PPP3CB: variants seen among roughly 807,000 people sequenced by gnomAD.
The protein encoded by PPP3CB is protein phosphatase 3 catalytic subunit beta.
Under a neutral mutation model 66.4 loss-of-function variants are expected in PPP3CB, and 8 were observed. The ratio of observed to expected loss-of-function variants is 0.12; its 90% CI spans 0.07 to 0.22. PPP3CB has a LOEUF of 0.22. PPP3CB is among the 10% of genes least tolerant of loss of function. PPP3CB has a pLI of 1.00. For missense variants in PPP3CB, 319 were observed against 642.5 expected (o/e 0.50, Z 5.44); for synonymous variants, 208 against 221.2 (o/e 0.94, Z 0.53).
At chr10:73,462,912 T>C (rs1019482761) in intron 9 of PPP3CB, among the ~76,000 whole-genome samples, 10 of 116,686 alleles carry the variant, frequency 8.6e-5, no homozygotes, top group African/African-American at 3.3e-4. Context: ...ATCACACCAC[T>C]GCACTCCAGC....
Position 73,467,562 on chromosome 10 carries a change from C to T in PPP3CB, c.1099G>A (p.Gly367Arg). 1 of 1,539,054 alleles carries T rather than the reference C, an allele frequency of 6.5e-7. No homozygotes were observed. Among genetic ancestry groups the T allele is most frequent in the Non-Finnish European group, 8.7e-7 (1 of 1,150,954 alleles). ...AAAATAAAAATTATACCTTTTTCTC[C>T]AACAAACGGTAAAGACCACGTGAAG... ...DVFTWSLPFVGEKVTEMLVNV... is the reference protein window; with the variant it reads ...DVFTWSLPFVREKVTEMLVNV... Residue 367 changes from glycine (G) to arginine (R), a missense_variant, in exon 9 of 14, where the codon GGA becomes AGA. Around this residue, in one of 5 missense-constraint regions of PPP3CB, gnomAD observed 120 missense variants for 331.2 expected, o/e 0.36. Coordinates refer to ENST00000360663, the MANE Select transcript of PPP3CB (RefSeq NM_021132.4).
intron 3 of PPP3CB, among the ~76,000 whole-genome samples, chr10:73,476,855 A>G (rs2056798516): frequency 6.6e-6 from 1 of 151,808 alleles, no homozygotes; most frequent in Non-Finnish European, 1.5e-5. Context: ...AACTCAAAAT[A>G]GCAAAATTCC....
intron 10 of PPP3CB, chr10:73,448,536 G>A (rs1017596167): frequency 4.6e-6 from 2 of 430,216 alleles, no homozygotes; most frequent in Admixed American, 2.4e-5. Context: ...TAAAACTTAA[G>A]CTAAATTTGC....
chr10:73,482,869 T>G (rs1443229481), intron 1 of PPP3CB, among the ~76,000 whole-genome samples: 2 of 152,148 alleles, frequency 1.3e-5, no homozygotes, highest in African/African-American at 2.4e-5. Flanking sequence ...CCGCCTGCCT[T>G]GGCCTCCCTA....
At chr10:73,462,254 G>A (rs1196372507) in intron 9 of PPP3CB, among the ~76,000 whole-genome samples, 3 of 149,206 alleles carry the variant, frequency 2.0e-5, no homozygotes, top group Non-Finnish European at 4.4e-5. Context: ...GAACTCCTAG[G>A]CTCAAGCAAT....
chr10:73,468,687 T>C (rs2056657290), intron 8 of PPP3CB, among the ~76,000 whole-genome samples: 1 of 152,224 alleles, frequency 6.6e-6, no homozygotes, highest in Non-Finnish European at 1.5e-5. Context: ...TTTGTGATTG[T>C]GGCTAATAGA....
chr10:73,480,600 A>G (rs1297184437), intron 1 of PPP3CB, among the ~76,000 whole-genome samples: 1 of 152,056 alleles, frequency 6.6e-6, no homozygotes, highest in Non-Finnish European at 1.5e-5. Flanking sequence ...ATCCGCCATC[A>G]TGCCCAGCTT....
rs2056095385 is a variant in PPP3CB at position 73,438,176 on chromosome 10, CT to C, written c.*65del. 1 of 1,507,162 alleles carries C rather than the reference CT, an allele frequency of 6.6e-7. No homozygotes were observed. Among genetic ancestry groups the C allele is most frequent in the African/African-American group, 1.4e-5 (1 of 71,762 alleles). The allele number at this position is 1,507,162 out of a possible 1,614,324, so 93.4% of individuals were successfully genotyped here. ...AATTTACAGTCAGCTTGGCCGACCC[CT>C]CCAGCTCCTCGGGTGATCTGTCCAT... On this transcript the variant is annotated 3_prime_UTR_variant, in exon 14 of 14. Coordinates refer to ENST00000360663, the MANE Select transcript of PPP3CB (RefSeq NM_021132.4).
intron 9 of PPP3CB, among the ~76,000 whole-genome samples, chr10:73,466,774 A>G (rs377246401): frequency 4.6e-5 from 7 of 152,294 alleles, no homozygotes; most frequent in African/African-American, 1.7e-4. Flanking sequence ...AAGAGGTGAG[A>G]AAAAATAGAG....
At chr10:73,443,286 CAGAAAGAAAGAAAGAAAGAAAGAAAGAA>C (rs71021552) in intron 12 of PPP3CB, among the ~76,000 whole-genome samples, 19 of 115,634 alleles carry the variant, frequency 1.6e-4, no homozygotes, top group Admixed American at 5.9e-4. Context: ...GAAAGAAAGA[CAGAAAGAAAGAAAGAAAGAAAGAAAGAA>C]AGAAAGAAAG....
chr10:73,482,791 T>C (rs1279386996), intron 1 of PPP3CB, among the ~76,000 whole-genome samples: 1 of 151,942 alleles, frequency 6.6e-6, no homozygotes, highest in African/African-American at 2.4e-5. Flanking sequence ...CTAATCTTTG[T>C]ATTTTTAGTA....
intron 1 of PPP3CB, among the ~76,000 whole-genome samples, chr10:73,481,744 G>T (rs886526910): frequency 6.6e-6 from 1 of 151,238 alleles, no homozygotes; most frequent in African/African-American, 2.4e-5. Context: ...TACAAGTGAG[G>T]TAAGAACTAA....
chr10:73,476,331 C>T (rs1477026585), intron 3 of PPP3CB, among the ~76,000 whole-genome samples: 1 of 152,116 alleles, frequency 6.6e-6, no homozygotes, highest in East Asian at 1.9e-4. Flanking sequence ...AAGGAGTCAG[C>T]TACATCCAGG....
rs184285393 is a variant in PPP3CB at position 73,454,636 on chromosome 10, T to A, written c.1109-147A>T. 88 of 466,794 alleles carry A rather than the reference T, an allele frequency of 1.9e-4. 1 individual carries two copies. The highest frequency in any genetic ancestry group is 5.3e-4 in the Middle Eastern group (1 of 1,878). 28.9% of individuals were successfully genotyped at this position (466,794 alleles called of 1,614,324 possible). On this transcript the variant is annotated intron_variant, in intron 9 of 13. Coordinates refer to ENST00000360663, the MANE Select transcript of PPP3CB (RefSeq NM_021132.4). ...TACCAAGATCGATGGAATTTAAAAA[T>A]GCAAAGGCTTTCAAAATGAAAGAAA...
In PPP3CB at chr10:73,471,561, A is replaced by G; in HGVS notation, c.576T>C (p.Asp192=). ...TTAAAAGTGCAGCAAGAGGCAAACT[A>G]TCAAAAGCTTCCATACAAGCTTCAT... ...RVYEACMEAF[D]SLPLAALLNQ... The change falls in exon 5 of 14, where the codon GAT becomes GAC. Residue 192 remains aspartate (D), a synonymous_variant. Coordinates refer to ENST00000360663, the MANE Select transcript of PPP3CB (RefSeq NM_021132.4). 1.9e-6 allele frequency: 3 copies of G among 1,612,274 alleles called. No homozygotes were observed. The highest frequency in any genetic ancestry group is 2.5e-6 in the Non-Finnish European group (3 of 1,178,960).
intron 10 of PPP3CB, among the ~76,000 whole-genome samples, chr10:73,447,222 C>T (rs1344188765): frequency 6.6e-6 from 1 of 152,206 alleles, no homozygotes; most frequent in African/African-American, 2.4e-5. Context: ...CAATCTTTTA[C>T]ATCTCTAGGT....
intron 9 of PPP3CB, among the ~76,000 whole-genome samples, chr10:73,455,782 G>C (rs909224585): frequency 1.3e-5 from 2 of 152,304 alleles, no homozygotes; most frequent in African/African-American, 2.4e-5. Flanking sequence ...GTGTTAGCCA[G>C]GATGGTCTCG....
chr10:73,454,936 G>C (rs2056400817), intron 9 of PPP3CB, among the ~76,000 whole-genome samples: 1 of 151,558 alleles, frequency 6.6e-6, no homozygotes. Flanking sequence ...GCAGTGGCGT[G>C]ATCTCGGCTC....
chr10:73,479,003 T>C (rs2056833616), intron 2 of PPP3CB, among the ~76,000 whole-genome samples: 1 of 152,238 alleles, frequency 6.6e-6, no homozygotes, highest in Non-Finnish European at 1.5e-5. Flanking sequence ...TGGTATCTGA[T>C]ATGACATCAA....
Sources: allele counts gnomAD v4.1 joint callset (sites outside exome capture counted in the v4.1 genomes callset), GRCh38; gene constraint gnomAD v4.1.1; regional missense constraint gnomAD v4.1.1; transcripts MANE v1.5; gene names NCBI Gene and HGNC (gene_info 2026-07-23, HGNC 2026-07-21).